Variants in ADAMTSL1 observed in about 807,000 individuals in gnomAD.
ADAMTSL1 encodes the protein ADAMTS like 1.
Under a neutral mutation model 201.8 loss-of-function variants are expected in ADAMTSL1, and 126 were observed. That is an observed-to-expected ratio of 0.62 (90% CI 0.54 to 0.72). ADAMTSL1 has a LOEUF of 0.72. ADAMTSL1 is among the 30% of genes least tolerant of loss of function. ADAMTSL1 has a pLI of 0.00. For synonymous variants in ADAMTSL1, 1,121 were observed against 903.4 expected, an observed-to-expected ratio of 1.24 and a Z score of -4.32; for missense variants, 2,679 against 2,277.8, an observed-to-expected ratio of 1.18 and a Z score of -3.59.
chr9:18,475,901 C>T (rs1022661277), intron 1 of ADAMTSL1, among the ~76,000 whole-genome samples: 3 of 152,076 alleles, frequency 2.0e-5, no homozygotes, highest in Non-Finnish European at 4.4e-5. Flanking sequence ...GTTTTGCTAT[C>T]CATTTGGTAA....
chr9:18,471,264 G>A (rs545407935), upstream of ADAMTSL1, among the ~76,000 whole-genome samples: 3 of 152,228 alleles, frequency 2.0e-5, no homozygotes, highest in Non-Finnish European at 4.4e-5. Context: ...ATATGTATGT[G>A]TATACATCAT....
At chr9:18,612,351 T>C (rs370450871) in intron 4 of ADAMTSL1, among the ~76,000 whole-genome samples, 29 of 152,296 alleles carry the variant, frequency 1.9e-4, no homozygotes, top group African/African-American at 6.5e-4. Flanking sequence ...TGTTATGTTT[T>C]AGCTTGAGAC....
intron 2 of ADAMTSL1, among the ~76,000 whole-genome samples, chr9:18,356,328 G>A (rs1836226086): frequency 6.6e-6 from 1 of 151,992 alleles, no homozygotes; most frequent in African/African-American, 2.4e-5. Context: ...TGGCTTGATG[G>A]TGGGGTTTCA....
intron 20 of ADAMTSL1, among the ~76,000 whole-genome samples, chr9:18,805,836 G>A (rs566426040): frequency 4.6e-5 from 7 of 152,224 alleles, no homozygotes; most frequent in African/African-American, 1.2e-4. Context: ...TTTGCTGTTC[G>A]TGGGCCCTTT....
intron 5 of ADAMTSL1, 71 bp from the exon 6 acceptor site, chr9:18,635,872 T>C (rs1357462376): frequency 1.5e-6 from 2 of 1,373,254 alleles, no homozygotes; most frequent in African/African-American, 2.9e-5. Flanking sequence ...GTCAGTGCCT[T>C]TATTTAGAAG....
intron 2 of ADAMTSL1, among the ~76,000 whole-genome samples, chr9:18,293,037 A>G (rs1833334890): frequency 6.6e-6 from 1 of 152,194 alleles, no homozygotes; most frequent in East Asian, 1.9e-4. Context: ...AACCAGCTGG[A>G]AAAAGAAGAG....
chr9:18,857,223 G>T (rs182355938), intron 23 of ADAMTSL1, among the ~76,000 whole-genome samples: 1 of 152,234 alleles, frequency 6.6e-6, no homozygotes, highest in African/African-American at 2.4e-5. Context: ...CCATTCGGGA[G>T]TAAGTTGCTG....
At chr9:18,565,933 T>G (rs1017465843) in intron 3 of ADAMTSL1, among the ~76,000 whole-genome samples, 1 of 152,190 alleles carries the variant, frequency 6.6e-6, no homozygotes, top group Non-Finnish European at 1.5e-5. Flanking sequence ...GCTTACAACA[T>G]TAAATGTTAT....
chr9:18,754,294 C>A (rs565542438), intron 16 of ADAMTSL1, among the ~76,000 whole-genome samples: 2 of 152,210 alleles, frequency 1.3e-5, no homozygotes, highest in Non-Finnish European at 2.9e-5. Flanking sequence ...TCATAATTTC[C>A]TATCTAAAAA....
chr9:18,152,683 A>C (rs2132049930), intron 1 of ADAMTSL1, among the ~76,000 whole-genome samples: 1 of 152,018 alleles, frequency 6.6e-6, no homozygotes, highest in East Asian at 2.0e-4. Flanking sequence ...GAGGGTGATG[A>C]CTGAGGGCCA....
At chr9:18,057,723 C>T (rs1454158431) in intron 1 of ADAMTSL1, among the ~76,000 whole-genome samples, 1 of 152,212 alleles carries the variant, frequency 6.6e-6, no homozygotes, top group Non-Finnish European at 1.5e-5. Context: ...GCTGAACTCA[C>T]CAAGCTCTTT....
At chr9:18,563,886 C>A (rs1227370313) in intron 3 of ADAMTSL1, among the ~76,000 whole-genome samples, 2 of 152,162 alleles carry the variant, frequency 1.3e-5, no homozygotes, top group East Asian at 3.9e-4. Context: ...CATTTCAGGT[C>A]GACTTCAGAC....
intron 1 of ADAMTSL1, among the ~76,000 whole-genome samples, chr9:18,056,749 G>A (rs1008912708): frequency 2.0e-5 from 3 of 152,112 alleles, no homozygotes; most frequent in Non-Finnish European, 2.9e-5. Context: ...GTGGGGTAAC[G>A]TCCTGCTACA....
chr9:18,373,310 T>G lies in ADAMTSL1; in HGVS notation c.208-131519T>G, dbSNP rs986482026. On this transcript the variant is annotated intron_variant, in intron 2 of 29. Coordinates refer to the ADAMTSL1 transcript ENST00000680146. ...CTTTTCTGTGAGGTCATCTGGAATT[T>G]AACCTATTTATAAATGTGAAAAAAA... 1.3e-5 allele frequency among the ~76,000 whole-genome samples: 2 copies of G among 152,320 alleles called. 1 individual carries two copies. Among genetic ancestry groups the G allele is most frequent in the Admixed American group, 1.3e-4 (2 of 15,314 alleles).
chr9:18,590,994 T>C (rs1823875265), intron 4 of ADAMTSL1, among the ~76,000 whole-genome samples: 1 of 152,184 alleles, frequency 6.6e-6, no homozygotes, highest in Non-Finnish European at 1.5e-5. Context: ...AGGAAAAGTA[T>C]GTATTCTGTA....
At chr9:18,023,200 T>G (rs139875946) in intron 1 of ADAMTSL1, among the ~76,000 whole-genome samples, 1 of 152,202 alleles carries the variant, frequency 6.6e-6, no homozygotes, top group African/African-American at 2.4e-5. Flanking sequence ...TGACTCAAAT[T>G]GTGGGCTGCA....
chr9:17,935,263 C>A (rs1016267752), intron 1 of ADAMTSL1, among the ~76,000 whole-genome samples: 121 of 152,230 alleles, frequency 7.9e-4, no homozygotes, highest in African/African-American at 2.8e-3. Context: ...CCCTCCTTTC[C>A]TCCTGCCTTA....
intron 1 of ADAMTSL1, among the ~76,000 whole-genome samples, chr9:18,141,053 A>G (rs937370290): frequency 3.9e-5 from 6 of 152,216 alleles, no homozygotes; most frequent in Non-Finnish European, 8.8e-5. Flanking sequence ...CCCTGGAATC[A>G]GAATGATAGT....
chr9:18,182,328 C>G (rs899090015), intron 2 of ADAMTSL1, among the ~76,000 whole-genome samples: 21 of 150,170 alleles, frequency 1.4e-4, no homozygotes, highest in African/African-American at 5.1e-4. Context: ...CATGATTACA[C>G]AATATACTAA....
Sources: gnomAD v4.1 joint callset for allele counts (sites outside exome capture counted in the v4.1 genomes callset) on GRCh38, gnomAD v4.1.1 for gene constraint, MANE v1.5 for transcripts, NCBI Gene and HGNC (gene_info 2026-07-23, HGNC 2026-07-21) for gene names.